MIB1: variants seen among roughly 807,000 people sequenced by gnomAD.
MIB1 encodes the protein E3 ubiquitin-protein ligase MIB1.
A neutral mutation model predicts 124.5 loss-of-function variants in MIB1; 278 were observed. The observed-to-expected ratio is 2.23, with a 90% CI of 2.02 to 2.47. MIB1 has a LOEUF of 2.47. MIB1 is among the 30% of genes most tolerant of loss of function. The pLI, the probability that MIB1 is intolerant of heterozygous loss-of-function variation, is 0.00. For missense variants in MIB1, 957 were observed against 1,254.4 expected (o/e 0.76, Z 3.58); for synonymous variants, 446 against 429.4 (o/e 1.04, Z -0.48).
intron 6 of MIB1, among the ~76,000 whole-genome samples, chr18:21,779,887 T>A (rs2041339020): frequency 6.6e-6 from 1 of 151,730 alleles, no homozygotes; most frequent in African/African-American, 2.4e-5. Flanking sequence ...TGTGTGTGTG[T>A]GTGTCTTGTG....
rs149030235 is a variant in MIB1, at chr18:21,731,529, C to T, written n.167+26406C>T. Reference sequence around the variant, plus strand: ...CGGGTGGATCACGAGGTCAGGAGATCGAGACCATCTTGGCTAACACGGTGA... The same window carrying T: ...CGGGTGGATCACGAGGTCAGGAGATTGAGACCATCTTGGCTAACACGGTGA... On this transcript the variant is annotated intron_variant and non_coding_transcript_variant, in intron 1 of 20. Transcript: ENST00000578646. Among the ~76,000 whole-genome samples the T allele has an allele frequency of 1.2e-3, 189 of 151,704 alleles. 3 individuals carry two copies. In the East Asian group the frequency reaches 0.03, roughly 24 times the overall value.
chr18:21,835,840 A>ACACACACACACACAC (rs1555695330), intron 12 of MIB1, among the ~76,000 whole-genome samples: 16 of 108,056 alleles, frequency 1.5e-4, no homozygotes, highest in East Asian at 5.4e-4. Flanking sequence ...CACACACACA[A>ACACACACACACACAC]ACACACACGA....
chr18:21,739,917 AC>A (rs1384464724), upstream of MIB1, among the ~76,000 whole-genome samples: 4 of 150,878 alleles, frequency 2.7e-5, no homozygotes, highest in African/African-American at 7.4e-5. Flanking sequence ...TGTCTCAAAA[AC>A]AAAGCAAAAA....
upstream of MIB1, among the ~76,000 whole-genome samples, chr18:21,738,873 A>G (rs2040809966): frequency 1.4e-5 from 2 of 144,556 alleles, no homozygotes; most frequent in African/African-American, 5.1e-5. Context: ...AAAAACCAAC[A>G]AAACTAGAGA....
chr18:21,859,121 G>C lies in MIB1; in HGVS notation c.2880+475G>C, dbSNP rs368194711. ...ACCCATACAGATGGTATTAAAAGTT[G>C]AAGGTAGTCCAGGCGCAGTGGTTCA... On this transcript the variant is annotated intron_variant, in intron 20 of 20. Transcript: ENST00000261537. 8.2e-4 allele frequency among the ~76,000 whole-genome samples: 125 copies of C among 152,312 alleles called. No homozygotes were observed. The Middle Eastern group carries it at 0.01, about 12-fold the overall frequency.
intron 10 of MIB1, among the ~76,000 whole-genome samples, chr18:21,808,295 G>C (rs368809491): frequency 1.3e-5 from 2 of 152,084 alleles, no homozygotes; most frequent in African/African-American, 4.8e-5. Flanking sequence ...ACTACAGCTC[G>C]CAGGCCAAAT....
At chr18:21,724,722 AAAAAAATATAT>A (rs1223486068) in intron 1 of MIB1, among the ~76,000 whole-genome samples, 1 of 66,232 alleles carries the variant, frequency 1.5e-5, no homozygotes, top group East Asian at 4.1e-4. Flanking sequence ...CAAAAAAAAA[AAAAAAATATAT>A]ATATATATAT....
At chr18:21,781,591 T>G (rs2041368944) in intron 6 of MIB1, among the ~76,000 whole-genome samples, 1 of 151,138 alleles carries the variant, frequency 6.6e-6, no homozygotes, top group African/African-American at 2.4e-5. Flanking sequence ...ATTTTGTATT[T>G]TTTAATAGAG....
At chr18:21,709,315 C>CA (rs10711398) in intron 1 of MIB1, among the ~76,000 whole-genome samples, 9 of 79,980 alleles carry the variant, frequency 1.1e-4, no homozygotes, top group African/African-American at 2.0e-4. Context: ...GAGACTGTCT[C>CA]AAAAAAAAAA....
chr18:21,762,165 A>G (rs1285097363), intron 1 of MIB1, among the ~76,000 whole-genome samples: 1 of 152,262 alleles, frequency 6.6e-6, no homozygotes, highest in African/African-American at 2.4e-5. Context: ...AAAGCCAGTC[A>G]GATACTGCTG....
Position 21,843,195 on chromosome 18 carries a change from GA to G in MIB1, c.2028del (p.Gln677SerfsTer31). On this transcript the variant is annotated frameshift_variant, in exon 14 of 21. Coordinates refer to ENST00000261537, the MANE Select transcript of MIB1 (RefSeq NM_020774.4). LOFTEE classifies it high-confidence loss of function. ...QQTALHLAVE[R>X]QHTQIVRLLV... is the part of the protein sequence containing the mutation. ...ACTGCCCTACACCTTGCTGTTGAAC[GA>G]CAGCATACCCAGATTGTTAGGGTAA... 2 of 1,596,162 alleles carry G rather than the reference GA, an allele frequency of 1.3e-6. No homozygotes were observed. The highest frequency in any genetic ancestry group is 1.7e-6 in the Non-Finnish European group (2 of 1,172,768).
intron 1 of MIB1, among the ~76,000 whole-genome samples, chr18:21,757,930 G>C (rs1041934302): frequency 1.3e-5 from 2 of 152,166 alleles, no homozygotes; most frequent in African/African-American, 4.8e-5. Context: ...ATCCATGCTA[G>C]GTGCGGAAGA....
intron 20 of MIB1, among the ~76,000 whole-genome samples, chr18:21,863,817 A>G (rs1598648937): frequency 6.6e-6 from 1 of 152,246 alleles, no homozygotes; most frequent in Non-Finnish European, 1.5e-5. Context: ...CATCCTGACC[A>G]ACATGGTGAA....
intron 1 of MIB1, among the ~76,000 whole-genome samples, chr18:21,719,539 T>G (rs1042434596): frequency 6.6e-6 from 1 of 151,876 alleles, no homozygotes; most frequent in African/African-American, 2.4e-5. Context: ...CTCTGCCCCC[T>G]GGGTTCAAGT....
intron 4 of MIB1, among the ~76,000 whole-genome samples, chr18:21,776,138 T>A (rs1179499223): frequency 6.6e-6 from 1 of 152,022 alleles, no homozygotes; most frequent in African/African-American, 2.4e-5. Context: ...TATGGTGGTT[T>A]GCACCTGTAG....
chr18:21,857,952 T>G (rs1033044822), intron 19 of MIB1, among the ~76,000 whole-genome samples: 3 of 152,190 alleles, frequency 2.0e-5, no homozygotes, highest in Non-Finnish European at 4.4e-5. Flanking sequence ...AGGGACAGAT[T>G]AACTAGAATA....
At chr18:21,713,923 C>CA (rs2040677243) in intron 1 of MIB1, among the ~76,000 whole-genome samples, 1 of 152,188 alleles carries the variant, frequency 6.6e-6, no homozygotes, top group South Asian at 2.1e-4. Context: ...TTAAATTACA[C>CA]AGGAAATTCA....
chr18:21,712,139 G>A, intron 1 of MIB1: 1 of 159,560 alleles, frequency 6.3e-6, no homozygotes, highest in Non-Finnish European at 1.4e-5. Flanking sequence ...TAAAAATCCT[G>A]ATCAAGTCTG....
intron 1 of MIB1, among the ~76,000 whole-genome samples, chr18:21,752,479 A>G (rs1409839997): frequency 6.6e-6 from 1 of 152,244 alleles, no homozygotes; most frequent in African/African-American, 2.4e-5. Flanking sequence ...TGGATTAGAT[A>G]AATTTAAGTA....
Sources: allele counts gnomAD v4.1 joint callset (sites outside exome capture counted in the v4.1 genomes callset), GRCh38; gene constraint gnomAD v4.1.1; transcripts MANE v1.5; gene names NCBI Gene and HGNC (gene_info 2026-07-23, HGNC 2026-07-21).